The following GABRG3 variants were observed in gnomAD, a reference collection of about 807,000 sequenced individuals.
GABRG3 encodes gamma-aminobutyric acid receptor subunit gamma-3.
In GABRG3, 25 loss-of-function variants were observed where a neutral mutation model predicts 48.8. The ratio of observed to expected loss-of-function variants is 0.51; its 90% CI spans 0.37 to 0.72. The LOEUF (loss-of-function observed/expected upper bound fraction) is 0.72. GABRG3 is among the 30% of genes least tolerant of loss of function. GABRG3 has a pLI of 0.00. For missense variants in GABRG3, 394 were observed against 577.9 expected (o/e 0.68, Z 3.26); for synonymous variants, 227 against 217.6 (o/e 1.04, Z -0.38).
At chr15:27,335,647 G>T (rs1403527449) in intron 5 of GABRG3, among the ~76,000 whole-genome samples, 2 of 152,128 alleles carry the variant, frequency 1.3e-5, no homozygotes, top group East Asian at 3.9e-4. Flanking sequence ...CACAGAGAAA[G>T]CAGAGTGGAG....
At chr15:27,242,006 T>A (rs1229094073) in intron 3 of GABRG3, among the ~76,000 whole-genome samples, 1 of 152,222 alleles carries the variant, frequency 6.6e-6, no homozygotes, top group Admixed American at 6.5e-5. Context: ...TCAGCTGATA[T>A]GACAGCTTCA....
intron 3 of GABRG3, among the ~76,000 whole-genome samples, chr15:27,055,468 C>G (rs1470301633): frequency 6.6e-6 from 1 of 152,136 alleles, no homozygotes; most frequent in Non-Finnish European, 1.5e-5. Flanking sequence ...CCAGAAGGCT[C>G]CAAAATCCAA....
At chr15:27,264,577 C>T (rs1459093044) in intron 3 of GABRG3, among the ~76,000 whole-genome samples, 2 of 150,444 alleles carry the variant, frequency 1.3e-5, no homozygotes. Context: ...AAAATCACAT[C>T]CTCGTCAAAA....
chr15:27,082,647 C>T (rs185534533), intron 3 of GABRG3, among the ~76,000 whole-genome samples: 12 of 152,284 alleles, frequency 7.9e-5, no homozygotes, highest in Non-Finnish European at 1.6e-4. Flanking sequence ...AGAGTCATTC[C>T]GTAGTTGCAG....
intron 3 of GABRG3, among the ~76,000 whole-genome samples, chr15:27,248,910 G>A (rs989889634): frequency 9.2e-5 from 14 of 152,106 alleles, no homozygotes; most frequent in South Asian, 2.1e-4. Flanking sequence ...TACCATGAAC[G>A]GGGGATTCTT....
intron 2 of GABRG3, among the ~76,000 whole-genome samples, chr15:27,001,429 C>G (rs554476608): frequency 6.6e-6 from 1 of 152,342 alleles, no homozygotes; most frequent in East Asian, 1.9e-4. Flanking sequence ...TCCAACCCAG[C>G]TGACTCCCGC....
At chr15:27,513,326 T>C (rs947553932) in intron 6 of GABRG3, among the ~76,000 whole-genome samples, 3 of 151,778 alleles carry the variant, frequency 2.0e-5, no homozygotes, top group African/African-American at 7.3e-5. Flanking sequence ...GGTGGGCGCC[T>C]GTAGTCCCAG....
chr15:27,405,644 G>A (rs1044981447), intron 5 of GABRG3, among the ~76,000 whole-genome samples: 2 of 152,142 alleles, frequency 1.3e-5, no homozygotes, highest in Non-Finnish European at 2.9e-5. Flanking sequence ...AAGAATTTAT[G>A]AGAATCCAAA....
At chr15:27,316,689 C>T (rs1893241968) in intron 3 of GABRG3, among the ~76,000 whole-genome samples, 4 of 152,232 alleles carry the variant, frequency 2.6e-5, no homozygotes, top group South Asian at 4.1e-4. Flanking sequence ...GAATTTCGTT[C>T]GTTTTAGGTG....
chr15:27,268,678 T>C (rs960968468), intron 3 of GABRG3, among the ~76,000 whole-genome samples: 3 of 152,252 alleles, frequency 2.0e-5, no homozygotes, highest in Non-Finnish European at 4.4e-5. Flanking sequence ...CTACTAGTTC[T>C]GGTTTAGATA....
chr15:27,122,054 G>A (rs1897740494), intron 3 of GABRG3, among the ~76,000 whole-genome samples: 1 of 152,130 alleles, frequency 6.6e-6, no homozygotes, highest in Non-Finnish European at 1.5e-5. Context: ...TAGCACAAGA[G>A]GGTAACTTTA....
chr15:27,376,828 G>A (rs1895613016), intron 5 of GABRG3, among the ~76,000 whole-genome samples: 1 of 152,056 alleles, frequency 6.6e-6, no homozygotes. Context: ...ATTGTCTTTG[G>A]GATTAACATT....
chr15:27,436,300 G>A (rs957239051), intron 5 of GABRG3, among the ~76,000 whole-genome samples: 1 of 152,130 alleles, frequency 6.6e-6, no homozygotes, highest in African/African-American at 2.4e-5. Flanking sequence ...CTTGTGGGGG[G>A]AAGGGGCTGC....
chr15:27,335,217 T>C (rs73365218), intron 5 of GABRG3, among the ~76,000 whole-genome samples: 4,050 of 152,328 alleles, frequency 0.027, 181 homozygotes, highest in African/African-American at 0.09. Context: ...CAAGACCCTG[T>C]TTGAGTCCCA....
rs372123381 is a variant in GABRG3 at position 27,286,122 on chromosome 15, G to A, written c.271-40687G>A. Among the ~76,000 whole-genome samples, 12 of 152,318 alleles carry A rather than the reference G, an allele frequency of 7.9e-5. No homozygotes were observed. The East Asian group carries it at 1.7e-3, about 22-fold the overall frequency. On this transcript the variant is annotated intron_variant, in intron 3 of 9. Transcript: ENST00000615808. ...CAAAAGTGCAAATGAAATGAGCTGT[G>A]CATTCAACTTTCATTCACTCATCAA...
chr15:27,424,142 C>G (rs1888217418), intron 5 of GABRG3, among the ~76,000 whole-genome samples: 1 of 152,030 alleles, frequency 6.6e-6, no homozygotes, highest in Non-Finnish European at 1.5e-5. Context: ...TCTTTGCTTA[C>G]CTGGGGTCCC....
intron 5 of GABRG3, among the ~76,000 whole-genome samples, chr15:27,381,704 T>A (rs1425809545): frequency 1.3e-5 from 2 of 152,170 alleles, no homozygotes; most frequent in East Asian, 3.9e-4. Context: ...AGTGAAGACT[T>A]TCAAGCTCCG....
rs759698238 is a variant in GABRG3, at chr15:27,527,489, C to G, written c.922C>G (p.Pro308Ala). The change falls in exon 8 of 10, where the codon CCA (proline) becomes GCA (alanine). Residue 308 changes from proline to alanine, a missense_variant. Coordinates refer to ENST00000615808, the MANE Select transcript of GABRG3 (RefSeq NM_033223.5). ...TLSTIARKSL[P>A]RVSYVTAMDL... is the part of the protein sequence containing the mutation. ...GAGCACCATCGCCAGGAAGTCCTTGCCACGCGTGTCCTACGTGACCGCCAT... is the reference window on the plus strand; with the variant it reads ...GAGCACCATCGCCAGGAAGTCCTTGGCACGCGTGTCCTACGTGACCGCCAT... 2.5e-5 allele frequency: 41 copies of G among 1,613,878 alleles called. No homozygotes were observed. The highest frequency in any genetic ancestry group is 3.4e-5 in the Non-Finnish European group (40 of 1,179,906).
At chr15:27,105,198 C>T (rs968201014) in intron 3 of GABRG3, among the ~76,000 whole-genome samples, 8 of 152,094 alleles carry the variant, frequency 5.3e-5, no homozygotes, top group Non-Finnish European at 1.0e-4. Context: ...AGGAACGTTA[C>T]ATAATGATAA....
Sources: gnomAD v4.1 joint callset for allele counts (sites outside exome capture counted in the v4.1 genomes callset) on GRCh38, gnomAD v4.1.1 for gene constraint, MANE v1.5 for transcripts, NCBI Gene and HGNC (gene_info 2026-07-23, HGNC 2026-07-21) for gene names.